The following ADGRL3 variants were observed in gnomAD, a reference collection of about 807,000 sequenced individuals.
ADGRL3 encodes the protein calcium-independent alpha-latrotoxin receptor 3.
A neutral mutation model predicts 153.5 loss-of-function variants in ADGRL3; 62 were observed. That is an observed-to-expected ratio of 0.40 (90% CI 0.33 to 0.50). The LOEUF (loss-of-function observed/expected upper bound fraction) is 0.50. Among genes scored for constraint, ADGRL3 ranks in the 20% least tolerant of loss-of-function variants. The probability of loss-of-function intolerance (pLI) is 0.47; values close to 1 mark genes in which losing one functional copy is unlikely to be tolerated. For missense variants in ADGRL3, 1,641 were observed against 1,859.4 expected (o/e 0.88, Z 2.16); for synonymous variants, 710 against 672.5 (o/e 1.06, Z -0.86).
intron 5 of ADGRL3, among the ~76,000 whole-genome samples, chr4:61,589,923 C>G (rs1160253753): frequency 6.6e-6 from 1 of 152,132 alleles, no homozygotes; most frequent in African/African-American, 2.4e-5. Flanking sequence ...GCTTTGCAAT[C>G]TGATATATGG....
At chr4:62,023,213 G>A (rs963657878) in intron 21 of ADGRL3, among the ~76,000 whole-genome samples, 1 of 152,138 alleles carries the variant, frequency 6.6e-6, no homozygotes, top group Non-Finnish European at 1.5e-5. Context: ...TGCAGATGTG[G>A]TGGAAATAGC....
intron 1 of ADGRL3, among the ~76,000 whole-genome samples, chr4:61,234,305 A>C (rs1452714585): frequency 6.6e-6 from 1 of 152,182 alleles, no homozygotes; most frequent in Non-Finnish European, 1.5e-5. Flanking sequence ...GAAATAAGCA[A>C]AAGTGGAAAC....
At chr4:61,859,894 A>G (rs1401016637) in intron 9 of ADGRL3, among the ~76,000 whole-genome samples, 2 of 152,196 alleles carry the variant, frequency 1.3e-5, no homozygotes, top group African/African-American at 4.8e-5. Context: ...AAAGAAATAA[A>G]TGACATTGTC....
intron 2 of ADGRL3, among the ~76,000 whole-genome samples, chr4:61,477,607 T>C (rs563533244): frequency 3.3e-5 from 5 of 152,158 alleles, no homozygotes; most frequent in Non-Finnish European, 7.4e-5. Flanking sequence ...TTGGCTAATG[T>C]GGCCCAACAA....
rs756206916 is a variant in ADGRL3, at chr4:61,935,965, A to G, written c.2339A>G (p.Asp780Gly). The change falls in exon 15 of 27, where the codon GAC becomes GGC. Residue 780 changes from aspartate (D) to glycine (G), a missense_variant. By Grantham distance (94) the Asp-to-Gly change is moderately conservative. Transcript: ENST00000683033. ...CTGAGCACAGAAGGAAACTTAGAAG[A>G]CCTAAAATTTCCAGAAAACATGGGC... ...ARLSTEGNLE[D>G]LKFPENMGHG... 8.1e-6 allele frequency: 13 copies of G among 1,602,502 alleles called. No individual in the cohort carries two copies. Among genetic ancestry groups the G allele is most frequent in the Non-Finnish European group, 1.0e-5 (12 of 1,173,890 alleles).
chr4:61,885,407 G>T (rs1344886867), intron 9 of ADGRL3, among the ~76,000 whole-genome samples: 2 of 152,130 alleles, frequency 1.3e-5, no homozygotes, highest in Non-Finnish European at 2.9e-5. Context: ...TTCTACTTAT[G>T]AATTTGTAAC....
chr4:61,992,815 C>T (rs958400928), intron 19 of ADGRL3, among the ~76,000 whole-genome samples: 1 of 152,082 alleles, frequency 6.6e-6, no homozygotes, highest in African/African-American at 2.4e-5. Context: ...AAAGCATTGG[C>T]TAAGCTGAGA....
intron 17 of ADGRL3, among the ~76,000 whole-genome samples, chr4:61,948,865 C>CAT (rs2098936045): frequency 1.3e-5 from 2 of 152,028 alleles, no homozygotes; most frequent in Non-Finnish European, 2.9e-5. Flanking sequence ...GACTAGCTTT[C>CAT]ATATGTATTG....
intron 1 of ADGRL3, among the ~76,000 whole-genome samples, chr4:61,230,509 C>G (rs757871456): frequency 6.6e-6 from 1 of 152,114 alleles, no homozygotes. Flanking sequence ...GAATGTGTTT[C>G]TTTGATTTGG....
intron 2 of ADGRL3, among the ~76,000 whole-genome samples, chr4:61,441,404 A>C (rs920771184): frequency 6.6e-6 from 1 of 152,140 alleles, no homozygotes; most frequent in Non-Finnish European, 1.5e-5. Flanking sequence ...CAGATAGTGG[A>C]TATATCCAGA....
intron 5 of ADGRL3, among the ~76,000 whole-genome samples, chr4:61,592,700 A>C (rs564951267): frequency 6.6e-6 from 1 of 152,310 alleles, no homozygotes; most frequent in African/African-American, 2.4e-5. Context: ...ATGTCTGCTA[A>C]ATTACTTTCA....
intron 4 of ADGRL3, among the ~76,000 whole-genome samples, chr4:61,561,566 T>C (rs1194803537): frequency 2.6e-5 from 4 of 151,918 alleles, no homozygotes; most frequent in South Asian, 2.1e-4. Flanking sequence ...TGACTGACTT[T>C]AGGTGAAATT....
rs1278002211 is a variant in ADGRL3, at chr4:61,202,888, T to G, written c.-240+1123T>G. Among the ~76,000 whole-genome samples the G allele has an allele frequency of 6.6e-6, 1 of 152,172 alleles. No individual in the cohort carries two copies. The highest frequency in any genetic ancestry group is 2.4e-5 in the African/African-American group (1 of 41,448). On this transcript the variant is annotated intron_variant, in intron 1 of 26. Coordinates refer to ENST00000683033, the MANE Select transcript of ADGRL3 (RefSeq NM_001387552.1). This position sits in a 1 kb window ranked among gnomAD's most constrained non-coding sequence, Gnocchi z 5.0. Reference sequence around the variant, plus strand: ...GACGGCAGAGAGATATTTGCGGGGATGCCGGAGCTGATGCTGCTGGAGCTG... The same window carrying G: ...GACGGCAGAGAGATATTTGCGGGGAGGCCGGAGCTGATGCTGCTGGAGCTG...
At chr4:61,269,911 A>G (rs545860572) in intron 1 of ADGRL3, among the ~76,000 whole-genome samples, 1 of 151,846 alleles carries the variant, frequency 6.6e-6, no homozygotes, top group East Asian at 1.9e-4. Context: ...TTTTACAGAT[A>G]AAGAAACTTG....
chr4:61,247,705 AAT>A (rs1440882660), intron 1 of ADGRL3, among the ~76,000 whole-genome samples: 2 of 152,006 alleles, frequency 1.3e-5, no homozygotes, highest in African/African-American at 4.8e-5. Flanking sequence ...TTTACATTAA[AAT>A]ATATGATTGC....
At chr4:61,298,620 C>T (rs1037246775) in intron 1 of ADGRL3, among the ~76,000 whole-genome samples, 2 of 152,156 alleles carry the variant, frequency 1.3e-5, no homozygotes, top group African/African-American at 4.8e-5. Flanking sequence ...TACTTCAATT[C>T]ATTCAGCCAA....
At chr4:62,062,913 T>C (rs560020476) in intron 25 of ADGRL3, among the ~76,000 whole-genome samples, 2 of 152,250 alleles carry the variant, frequency 1.3e-5, no homozygotes, top group East Asian at 3.9e-4. Context: ...GGTGTACTAA[T>C]GAGTGATTAT....
chr4:61,860,246 T>A (rs1473662456), intron 9 of ADGRL3, among the ~76,000 whole-genome samples: 1 of 152,084 alleles, frequency 6.6e-6, no homozygotes, highest in Middle Eastern at 3.2e-3. Context: ...GTTTTTTTGG[T>A]TCTTTCTCTG....
chr4:61,626,759 TGAG>T (rs2092855140), intron 5 of ADGRL3, among the ~76,000 whole-genome samples: 3 of 152,094 alleles, frequency 2.0e-5, no homozygotes, highest in Non-Finnish European at 4.4e-5. Flanking sequence ...ATAATCCTCC[TGAG>T]TTCTACTATT....
Sources: allele counts gnomAD v4.1 joint callset (sites outside exome capture counted in the v4.1 genomes callset), GRCh38; gene constraint gnomAD v4.1.1; non-coding constraint Gnocchi (gnomAD v3.1); transcripts MANE v1.5; gene names NCBI Gene and HGNC (gene_info 2026-07-23, HGNC 2026-07-21).